The following TSN variants were observed in gnomAD, a reference collection of about 807,000 sequenced individuals.
The protein encoded by TSN is component 3 of promoter of RISC.
TSN carries 5 observed loss-of-function variants against 29.4 expected under a neutral mutation model. The ratio of observed to expected loss-of-function variants is 0.17; its 90% CI spans 0.09 to 0.36. TSN has a LOEUF of 0.36. Among genes scored for constraint, TSN ranks in the 10% least tolerant of loss-of-function variants. The pLI is 1.00. For synonymous variants in TSN, 106 were observed against 102.2 expected, an observed-to-expected ratio of 1.04 and a Z score of -0.23; for missense variants, 159 against 272.8, an observed-to-expected ratio of 0.58 and a Z score of 2.94.
At position 121,765,385 on chromosome 2, in the gene TSN, T is replaced by A. The variant is rs761572986; in HGVS notation, c.*18T>A. The A allele has an allele frequency of 1.2e-6, 2 of 1,612,566 alleles. No individual in the cohort carries two copies. Among genetic ancestry groups the A allele is most frequent in the Non-Finnish European group, 1.7e-6 (2 of 1,178,652 alleles). ...AAAAATAGGAGGCTCTCCTTGCTCC[T>A]GGCCTTGCTGACCTCAGCGGTTGCC... On this transcript the variant is annotated 3_prime_UTR_variant, in exon 6 of 6. Transcript: ENST00000389682.
intron 5 of TSN, 85 bp from the exon 6 acceptor site, chr2:121,765,049 G>A (rs1482777121): frequency 9.4e-6 from 12 of 1,281,300 alleles, no homozygotes; most frequent in South Asian, 5.1e-5. Context: ...CTAGGCTTGC[G>A]GTTCTTCTGG....
rs889965246 is a variant in TSN at position 121,767,742 on chromosome 2, T to C, written c.*2375T>C. 4 of 152,256 alleles carry C rather than the reference T, an allele frequency of 2.6e-5. No homozygotes were observed. The highest frequency in any genetic ancestry group is 9.6e-5 in the African/African-American group (4 of 41,560). 9.4% of individuals were successfully genotyped at this position (152,256 alleles called of 1,614,324 possible). ...GAGAAGGAAAGCTTTGGCAGTGTTT[T>C]GAGAACTTAAGTGGCTAAAGAGATG... On this transcript the variant is annotated 3_prime_UTR_variant, in exon 6 of 6. Transcript: ENST00000389682.
rs2074896602 is a variant in TSN at position 121,766,049 on chromosome 2, T to A, written c.*682T>A. The A allele has an allele frequency of 6.6e-6, 1 of 152,290 alleles. No homozygotes were observed. The highest frequency in any genetic ancestry group is 2.4e-5 in the African/African-American group (1 of 41,476). The allele number at this position is 152,290 out of a possible 1,614,324, so 9.4% of individuals were successfully genotyped here. ...CCACCAGGCAGGGAGTAGGGCTTAG[T>A]GTTTTAAAACACCTCTGCTTTCTGA... On this transcript the variant is annotated 3_prime_UTR_variant, in exon 6 of 6. Coordinates refer to ENST00000389682, the MANE Select transcript of TSN (RefSeq NM_004622.3).
rs770588122 is a variant in TSN at position 121,757,225 on chromosome 2, TTTAA to T, written c.67-12_67-9del. On this transcript the variant is annotated splice_polypyrimidine_tract_variant and intron_variant, in intron 1 of 5. Transcript: ENST00000389682. ...TTCTGTTGAGTATCTGATTTTTATT[TTTAA>T]TTCTCTCTAGGAAATCAGAAAAGTT... The T allele has an allele frequency of 3.1e-6, 5 of 1,611,086 alleles. No homozygotes were observed. Among genetic ancestry groups the T allele is most frequent in the Non-Finnish European group, 4.2e-6 (5 of 1,177,838 alleles).
chr2:121,759,785 G>C (rs2074797447), intron 3 of TSN, among the ~76,000 whole-genome samples: 1 of 152,108 alleles, frequency 6.6e-6, no homozygotes, highest in Non-Finnish European at 1.5e-5. Context: ...ATTTTCAGGG[G>C]GTGGGTAGTA....
intron 5 of TSN, 53 bp downstream of exon 5, chr2:121,763,137 G>GTTTTTTT (rs1009875344): frequency 1.3e-4 from 64 of 508,290 alleles, no homozygotes; most frequent in South Asian, 3.8e-4. Flanking sequence ...TTCACTGTCA[G>GTTTTTTT]TTTTTTTTTT....
chr2:121,764,807 AT>A (rs2074880813), intron 5 of TSN, among the ~76,000 whole-genome samples: 1 of 152,112 alleles, frequency 6.6e-6, no homozygotes. Flanking sequence ...TGCTGTGATT[AT>A]TTTGTCGTTT....
chr2:121,755,875 G>C (rs771598052), intron 1 of TSN, 30 bp downstream of exon 1: 31 of 1,613,214 alleles, frequency 1.9e-5, no homozygotes, highest in Non-Finnish European at 2.2e-5. Flanking sequence ...CATTCCCTTT[G>C]CCTTTCCATG....
chr2:121,763,019 G>A lies in TSN; in HGVS notation c.388G>A (p.Glu130Lys). 1 of 1,609,314 alleles carries A rather than the reference G, an allele frequency of 6.2e-7. No individual in the cohort carries two copies. Among genetic ancestry groups the A allele is most frequent in the South Asian group, 1.1e-5 (1 of 90,008 alleles). The change falls in exon 5 of 6, where the codon GAG (glutamate) becomes AAG (lysine). Residue 130 changes from glutamate to lysine, a missense_variant. Physicochemically the swap from Glu to Lys is moderately conservative, Grantham distance 56. Transcript: ENST00000389682. The part of the protein sequence containing the change: ...TEILGIEPDR[E>K]KGFHLDVEDY... ...GTGTTTTTTAGTTGAGCCAGATCGG[G>A]AGAAAGGATTTCATCTGGATGTAGA...
rs1558691769 is a variant in TSN, at chr2:121,761,440, C to T, written c.289C>T (p.Arg97Cys). The stretch of plus-strand genomic sequence containing the variant: ...TGAGCACTGGAGGTTTGTGTTGCAG[C>T]GCTTGGTCTTCTTGGCAGCATTTGT... ...FHEHWRFVLQ[R>C]LVFLAAFVVY... is the part of the protein sequence containing the mutation. The change falls in exon 4 of 6, where the codon CGC (arginine) becomes TGC (cysteine). Residue 97 changes from arginine (R) to cysteine (C), a missense_variant. By Grantham distance (180) the Arg-to-Cys change is radical. This residue lies in a region of TSN where 85 missense variants were observed against 178.1 expected (regional missense o/e 0.48). Coordinates refer to ENST00000389682, the MANE Select transcript of TSN (RefSeq NM_004622.3). 1.2e-6 allele frequency: 2 copies of T among 1,614,012 alleles called. No individual in the cohort carries two copies. Among genetic ancestry groups the T allele is most frequent in the East Asian group, 2.2e-5 (1 of 44,870 alleles).
At chr2:121,759,561 T>G (rs2074793470) in intron 3 of TSN, among the ~76,000 whole-genome samples, 1 of 152,058 alleles carries the variant, frequency 6.6e-6, no homozygotes, top group South Asian at 2.1e-4. Flanking sequence ...TGAGCCAAGA[T>G]TGTGCCATTG....
At chr2:121,759,148 G>GTA (rs1292382572) in intron 3 of TSN, among the ~76,000 whole-genome samples, 1 of 152,224 alleles carries the variant, frequency 6.6e-6, no homozygotes, top group Non-Finnish European at 1.5e-5. Context: ...TTAGGTGGCA[G>GTA]TATATATATG....
intron 4 of TSN, 48 bp downstream of exon 4, chr2:121,761,572 A>G (rs1446051282): frequency 4.2e-6 from 6 of 1,424,784 alleles, no homozygotes; most frequent in Non-Finnish European, 5.9e-6. Flanking sequence ...ATGGTTGCTT[A>G]CTTTTTGGTG....
intron 4 of TSN, among the ~76,000 whole-genome samples, chr2:121,762,049 A>G (rs993260901): frequency 2.0e-5 from 3 of 151,116 alleles, no homozygotes; most frequent in Non-Finnish European, 2.9e-5. Context: ...CTGTAGTGCA[A>G]TGACGCAATC....
Position 121,761,533 on chromosome 2 carries a change from C to A in TSN, c.373+9C>A, listed in dbSNP as rs2074827590. 6.3e-7 allele frequency: 1 copy of A among 1,594,210 alleles called. No individual in the cohort carries two copies. Among genetic ancestry groups the A allele is most frequent in the Non-Finnish European group, 8.6e-7 (1 of 1,162,022 alleles). On this transcript the variant is annotated intron_variant, in intron 4 of 5. Transcript: ENST00000389682. ...TACAGAAATTCTTGGCAGTAAGTGTCTTTATTAGTGGGATCTGCAGAATCA... is the reference window on the plus strand; with the variant it reads ...TACAGAAATTCTTGGCAGTAAGTGTATTTATTAGTGGGATCTGCAGAATCA...
chr2:121,761,639 T>TA lies in TSN; in HGVS notation c.373+116dup, dbSNP rs1166872146. Reference sequence around the variant, plus strand: ...AAACAAGAATTAACTAAAAACCACTTATAGTTGTAGCTTGGTATCTGAGGA... The same window carrying TA: ...AAACAAGAATTAACTAAAAACCACTTAATAGTTGTAGCTTGGTATCTGAGGA... On this transcript the variant is annotated intron_variant, in intron 4 of 5. Transcript: ENST00000389682. 28 of 783,098 alleles carry TA rather than the reference T, an allele frequency of 3.6e-5. No individual in the cohort carries two copies. In the East Asian group the frequency reaches 6.1e-4, roughly 17 times the overall value. The allele number at this position is 783,098 out of a possible 1,614,324, so 48.5% of individuals were successfully genotyped here. A position where few individuals can be genotyped will look rare whatever the true frequency, so the allele number is the denominator to read the frequency against.
At chr2:121,756,555 G>C (rs1187903668) in intron 1 of TSN, 2 of 1,030,474 alleles carry the variant, frequency 1.9e-6, no homozygotes, top group Admixed American at 5.2e-5. Context: ...TGTGTGCTTG[G>C]TTCCCCGGTA....
intron 1 of TSN, chr2:121,756,568 TAC>T (rs2074751407): frequency 8.4e-7 from 1 of 1,191,882 alleles, no homozygotes; most frequent in Non-Finnish European, 1.1e-6. Flanking sequence ...CCCCGGTATT[TAC>T]ACAGTGCCTC....
Position 121,765,516 on chromosome 2 carries a change from A to G in TSN, c.*149A>G. On this transcript the variant is annotated 3_prime_UTR_variant, in exon 6 of 6. Transcript: ENST00000389682. Reference sequence around the variant, plus strand: ...GTTGTGGTGTGAGTATCAGAATTGAAACACTTTTTTGGGGGTAAAAAATAT... The same window carrying G: ...GTTGTGGTGTGAGTATCAGAATTGAGACACTTTTTTGGGGGTAAAAAATAT... 1.3e-6 allele frequency: 1 copy of G among 748,092 alleles called. No homozygotes were observed. The highest frequency in any genetic ancestry group is 1.9e-5 in the South Asian group (1 of 52,916). 46.3% of individuals were successfully genotyped at this position (748,092 alleles called of 1,614,324 possible). A position where few individuals can be genotyped will look rare whatever the true frequency, so the allele number is the denominator to read the frequency against.
Sources: gnomAD v4.1 joint callset for allele counts (sites outside exome capture counted in the v4.1 genomes callset) on GRCh38, gnomAD v4.1.1 for gene constraint, gnomAD v4.1.1 regional missense constraint, MANE v1.5 for transcripts, NCBI Gene and HGNC (gene_info 2026-07-23, HGNC 2026-07-21) for gene names.